Variants in C7orf78 observed in about 807,000 individuals in gnomAD.
C7orf78 encodes the protein putative uncharacterized protein C7orf78.
chr7:12,520,277 T>G, the C7orf78 span, among the ~76,000 whole-genome samples: 4 of 152,360 alleles, frequency 2.6e-5, no homozygotes, highest in East Asian at 7.7e-4. Context: ...TTTTGTTTCT[T>G]CTGTCTGGAG....
At chr7:12,504,721 A>T in the C7orf78 span, among the ~76,000 whole-genome samples, 4 of 152,132 alleles carry the variant, frequency 2.6e-5, no homozygotes, top group East Asian at 5.8e-4. Context: ...TATAATAAAT[A>T]AATAAGAAAT....
chr7:12,507,069 G>A, the C7orf78 span: 9 of 370,992 alleles, frequency 2.4e-5, no homozygotes, highest in South Asian at 1.9e-4. Context: ...GGGAGGCCGA[G>A]ACGGGCGGAT....
the C7orf78 span, among the ~76,000 whole-genome samples, chr7:12,521,062 A>G: frequency 4.6e-5 from 7 of 152,048 alleles, no homozygotes; most frequent in Non-Finnish European, 2.9e-5. Context: ...TTCCATTTGT[A>G]TGGAACATCA....
the C7orf78 span, among the ~76,000 whole-genome samples, chr7:12,487,459 G>A: frequency 6.6e-6 from 1 of 152,036 alleles, no homozygotes; most frequent in African/African-American, 2.4e-5. Flanking sequence ...ATCTCAGCAA[G>A]GAGAGAGTAA....
chr7:12,532,188 C>G, the C7orf78 span, among the ~76,000 whole-genome samples: 49 of 152,196 alleles, frequency 3.2e-4, no homozygotes, highest in African/African-American at 1.2e-3. Context: ...GCTTGCTTGT[C>G]TGTGTCTGCA....
At chr7:12,515,726 T>G in the C7orf78 span, among the ~76,000 whole-genome samples, 2 of 152,152 alleles carry the variant, frequency 1.3e-5, no homozygotes, top group Non-Finnish European at 2.9e-5. Context: ...AGGAACTTGT[T>G]GGGAACTGGA....
the C7orf78 span, chr7:12,530,910 A>C: frequency 5.1e-6 from 2 of 395,724 alleles, no homozygotes; most frequent in Non-Finnish European, 8.9e-6. Flanking sequence ...ATACAGATAC[A>C]CTTTTAAAGC....
chr7:12,533,454 G>C, the C7orf78 span, among the ~76,000 whole-genome samples: 1 of 151,006 alleles, frequency 6.6e-6, no homozygotes, highest in Admixed American at 6.6e-5. Flanking sequence ...ACCTGCCTCA[G>C]CCTCCAAAAG....
the C7orf78 span, chr7:12,491,585 A>C: frequency 6.6e-6 from 1 of 152,188 alleles, no homozygotes. Context: ...TGCCCTCAGA[A>C]ACACCACACT....
chr7:12,488,754 C>G, the C7orf78 span, among the ~76,000 whole-genome samples: 2 of 151,818 alleles, frequency 1.3e-5, no homozygotes. Context: ...AAGTGAAATT[C>G]AAAAAGAATT....
chr7:12,540,263 C>T, the C7orf78 span, among the ~76,000 whole-genome samples: 1 of 152,188 alleles, frequency 6.6e-6, no homozygotes, highest in Non-Finnish European at 1.5e-5. Context: ...TAAAGGAGCT[C>T]CTGTCTCCCC....
the C7orf78 span, chr7:12,483,764 G>A: frequency 6.7e-6 from 1 of 150,296 alleles, no homozygotes; most frequent in Admixed American, 6.7e-5. Flanking sequence ...TGTAATCCCA[G>A]CGACTTGGGA....
At chr7:12,493,851 C>T in the C7orf78 span, among the ~76,000 whole-genome samples, 96,116 of 152,080 alleles carry the variant, frequency 0.63, 31,138 homozygotes, top group African/African-American at 0.78. Flanking sequence ...AAATATTGTT[C>T]TATGTCAAGA....
At chr7:12,491,037 G>C in the C7orf78 span, 1 of 152,046 alleles carries the variant, frequency 6.6e-6, no homozygotes, top group African/African-American at 2.4e-5. Context: ...AGATCATCTG[G>C]AGGAAGTATT....
the C7orf78 span, among the ~76,000 whole-genome samples, chr7:12,535,506 G>A: frequency 3.9e-5 from 6 of 152,236 alleles, no homozygotes; most frequent in Admixed American, 2.0e-4. Context: ...GATGAGATTT[G>A]GGTGGGGACA....
the C7orf78 span, among the ~76,000 whole-genome samples, chr7:12,519,493 G>A: frequency 2.0e-5 from 3 of 152,268 alleles, no homozygotes; most frequent in African/African-American, 4.8e-5. Flanking sequence ...TCTCAGACCC[G>A]CTTGCCTTGG....
At chr7:12,531,589 T>C in the C7orf78 span, among the ~76,000 whole-genome samples, 1 of 152,184 alleles carries the variant, frequency 6.6e-6, no homozygotes, top group Non-Finnish European at 1.5e-5. Flanking sequence ...GATTCAATTA[T>C]TACTATTATT....
the C7orf78 span, among the ~76,000 whole-genome samples, chr7:12,516,364 A>C: frequency 1.7e-3 from 258 of 152,324 alleles, no homozygotes; most frequent in African/African-American, 5.9e-3. Flanking sequence ...AGATTTCAGA[A>C]GATGTGTGAA....
the C7orf78 span, among the ~76,000 whole-genome samples, chr7:12,516,983 G>C: frequency 1.6e-3 from 236 of 152,246 alleles, 1 homozygote; most frequent in Middle Eastern, 0.027. Flanking sequence ...AATGAGTTAA[G>C]ACTTTGGGAG....
Sources: allele counts gnomAD v4.1 joint callset (sites outside exome capture counted in the v4.1 genomes callset), GRCh38; gene constraint gnomAD v4.1.1; transcripts MANE v1.5; gene names NCBI Gene and HGNC (gene_info 2026-07-23, HGNC 2026-07-21).